The following XKR6 variants were observed in gnomAD, a reference collection of about 807,000 sequenced individuals.
XKR6 encodes XK-related protein 6.
A neutral mutation model predicts 56.7 loss-of-function variants in XKR6; 22 were observed. The observed-to-expected ratio is 0.39, with a 90% CI of 0.28 to 0.55. XKR6 has a LOEUF of 0.55. Ranked by LOEUF, XKR6 falls within the 20% of genes least tolerant of loss-of-function variation. The pLI is 0.66. For missense variants in XKR6, 852 were observed against 889.0 expected (o/e 0.96, Z 0.53); for synonymous variants, 524 against 387.8 (o/e 1.35, Z -4.13).
chr8:11,044,887 G>C (rs546437009), intron 1 of XKR6, among the ~76,000 whole-genome samples: 87 of 151,866 alleles, frequency 5.7e-4, no homozygotes, highest in Non-Finnish European at 7.7e-4. Flanking sequence ...CAAAGTGCTG[G>C]GATTACAGGC....
At chr8:10,973,190 G>A (rs918958038) in intron 1 of XKR6, among the ~76,000 whole-genome samples, 1 of 152,200 alleles carries the variant, frequency 6.6e-6, no homozygotes, top group Admixed American at 6.5e-5. Flanking sequence ...GAGTGAGCTT[G>A]GCCCATGTTA....
intron 1 of XKR6, among the ~76,000 whole-genome samples, chr8:11,145,239 T>C (rs1215629097): frequency 6.7e-6 from 1 of 150,154 alleles, no homozygotes; most frequent in Non-Finnish European, 1.5e-5. Context: ...GTAAGCATGA[T>C]GCAAATACTC....
intron 1 of XKR6, among the ~76,000 whole-genome samples, chr8:10,991,096 G>T (rs558420447): frequency 2.0e-5 from 3 of 151,824 alleles, no homozygotes; most frequent in Admixed American, 6.6e-5. Context: ...TAGAGACGGG[G>T]TTTCACCATG....
At position 10,979,091 on chromosome 8, in the gene XKR6, C is replaced by T. The variant is rs532949877; in HGVS notation, c.765-54261G>A. Among the ~76,000 whole-genome samples the T allele has an allele frequency of 3.9e-5, 6 of 152,072 alleles. No individual in the cohort carries two copies. In the South Asian group the frequency reaches 1.2e-3, roughly 31 times the overall value. ...GACCCAATCCCATCTTCAATGTCAC[C>T]TCCTCCTTGCAGTCTTCCCTGAATC... On this transcript the variant is annotated intron_variant, in intron 1 of 2. Transcript: ENST00000416569.
intron 2 of XKR6, among the ~76,000 whole-genome samples, chr8:10,904,027 C>T (rs1381769265): frequency 6.6e-6 from 1 of 152,178 alleles, no homozygotes; most frequent in Non-Finnish European, 1.5e-5. Flanking sequence ...CGTGGAAGCC[C>T]CCAGTGAAAT....
At chr8:11,096,075 G>A (rs147312116) in intron 1 of XKR6, among the ~76,000 whole-genome samples, 2 of 152,284 alleles carry the variant, frequency 1.3e-5, no homozygotes, top group East Asian at 1.9e-4. Flanking sequence ...GAATAAATGA[G>A]GGAAAATATA....
chr8:11,077,263 C>G (rs1800298146), intron 1 of XKR6, among the ~76,000 whole-genome samples: 1 of 152,172 alleles, frequency 6.6e-6, no homozygotes, highest in Admixed American at 6.5e-5. Context: ...TCCAAAGCCT[C>G]AGCGTGGCCT....
intron 1 of XKR6, among the ~76,000 whole-genome samples, chr8:11,047,026 G>C (rs1799427136): frequency 1.3e-5 from 2 of 152,248 alleles, no homozygotes; most frequent in East Asian, 1.9e-4. Context: ...GTTGGTCAAA[G>C]GGCACAAAGT....
intron 1 of XKR6, among the ~76,000 whole-genome samples, chr8:10,966,301 C>A (rs1021013149): frequency 1.3e-5 from 2 of 152,166 alleles, no homozygotes; most frequent in African/African-American, 4.8e-5. Context: ...TTGGGAGCCA[C>A]TGGTGTATAC....
rs181343036 is a variant in XKR6, at chr8:10,903,992, A to G, written c.962-5076T>C. Reference sequence around the variant, plus strand: ...CAAAAGTCAATGCGTTCTCCTAGGTAACACCCAAGCACACAGGAACCGGCC... The same window carrying G: ...CAAAAGTCAATGCGTTCTCCTAGGTGACACCCAAGCACACAGGAACCGGCC... On this transcript the variant is annotated intron_variant, in intron 2 of 2. Transcript: ENST00000416569. 6.6e-5 allele frequency among the ~76,000 whole-genome samples: 10 copies of G among 152,282 alleles called. No individual in the cohort carries two copies. In the East Asian group the frequency reaches 1.9e-3, roughly 29 times the overall value.
chr8:10,981,012 C>T (rs1020386824), intron 1 of XKR6, among the ~76,000 whole-genome samples: 10 of 152,128 alleles, frequency 6.6e-5, no homozygotes, highest in Non-Finnish European at 1.2e-4. Flanking sequence ...ATTGTTCTTT[C>T]GTGTGTTTGA....
chr8:11,183,850 G>A (rs113016020), intron 1 of XKR6, among the ~76,000 whole-genome samples: 1 of 152,086 alleles, frequency 6.6e-6, no homozygotes, highest in Non-Finnish European at 1.5e-5. Flanking sequence ...ACAGCATAAG[G>A]GTTATAACAT....
At chr8:11,004,196 G>A (rs1481047002) in intron 1 of XKR6, among the ~76,000 whole-genome samples, 6 of 152,172 alleles carry the variant, frequency 3.9e-5, no homozygotes, top group African/African-American at 4.8e-5. Context: ...CTGTGGGGCC[G>A]GGCGTGGTGG....
chr8:11,140,972 G>C (rs554073016), intron 1 of XKR6, among the ~76,000 whole-genome samples: 2 of 148,206 alleles, frequency 1.3e-5, no homozygotes, highest in African/African-American at 5.0e-5. Context: ...TCACTCCAAA[G>C]ACATATATGA....
intron 1 of XKR6, among the ~76,000 whole-genome samples, chr8:11,126,765 T>C (rs1042846285): frequency 1.3e-5 from 2 of 152,096 alleles, no homozygotes; most frequent in African/African-American, 4.8e-5. Flanking sequence ...AACTCGACAA[T>C]GTTAAGTGAA....
At chr8:11,003,707 C>T (rs1039686389) in intron 1 of XKR6, among the ~76,000 whole-genome samples, 2 of 152,202 alleles carry the variant, frequency 1.3e-5, no homozygotes, top group African/African-American at 4.8e-5. Flanking sequence ...TGGAGCAGGT[C>T]TTTTGGACTA....
intron 1 of XKR6, among the ~76,000 whole-genome samples, chr8:11,117,016 C>T (rs1329552201): frequency 6.6e-6 from 1 of 152,204 alleles, no homozygotes; most frequent in African/African-American, 2.4e-5. Context: ...TAATATTACA[C>T]TGTCTCCCAT....
intron 1 of XKR6, among the ~76,000 whole-genome samples, chr8:11,098,078 G>T (rs749147452): frequency 1.3e-5 from 2 of 152,080 alleles, no homozygotes; most frequent in Non-Finnish European, 2.9e-5. Flanking sequence ...CTAGAGCCTT[G>T]CTAGGCTCTG....
At chr8:10,940,476 A>C (rs1801354005) in intron 1 of XKR6, among the ~76,000 whole-genome samples, 1 of 152,212 alleles carries the variant, frequency 6.6e-6, no homozygotes, top group South Asian at 2.1e-4. Flanking sequence ...CAGAGGCCAT[A>C]GTAGGCCCCG....
Sources: gnomAD v4.1 joint callset for allele counts (sites outside exome capture counted in the v4.1 genomes callset) on GRCh38, gnomAD v4.1.1 for gene constraint, MANE v1.5 for transcripts, NCBI Gene and HGNC (gene_info 2026-07-23, HGNC 2026-07-21) for gene names.